The following MAP3K15 variants were observed in gnomAD, a reference collection of about 807,000 sequenced individuals.
The protein encoded by MAP3K15 is mitogen-activated protein kinase kinase kinase 15.
MAP3K15 carries 124 observed loss-of-function variants against 99.5 expected under a neutral mutation model. The observed-to-expected ratio is 1.25, with a 90% CI of 1.08 to 1.45. The LOEUF (loss-of-function observed/expected upper bound fraction) is 1.45, where lower values mean the gene tolerates loss of function less well. Among genes scored for constraint, MAP3K15 ranks in the 40% most tolerant of loss-of-function variants. The probability of loss-of-function intolerance (pLI) is 0.00; values close to 1 mark genes in which losing one functional copy is unlikely to be tolerated. For missense variants in MAP3K15, 1,242 were observed against 1,079.7 expected (o/e 1.15, Z -2.11); for synonymous variants, 494 against 439.6 (o/e 1.12, Z -1.55).
chrX:19,459,514 C>T (rs1357104788), intron 5 of MAP3K15, among the ~76,000 whole-genome samples: 2 of 112,271 alleles, frequency 1.8e-5, no homozygotes, highest in Non-Finnish European at 3.8e-5. Flanking sequence ...AACAGATAAG[C>T]TGGATGACCT....
At chrX:19,427,428 T>G (rs1371700017) in intron 7 of MAP3K15, among the ~76,000 whole-genome samples, 2 of 111,598 alleles carry the variant, frequency 1.8e-5, no homozygotes, top group East Asian at 5.6e-4. Context: ...CAATATGGAG[T>G]TGTTTTTTCA....
At chrX:19,396,122 A>G (rs183451288) in intron 15 of MAP3K15, among the ~76,000 whole-genome samples, 22 of 111,682 alleles carry the variant, frequency 2.0e-4, no homozygotes, top group African/African-American at 6.5e-4. Flanking sequence ...GGCACTTGGC[A>G]CTTTCACTCA....
At chrX:19,475,491 C>T (rs1042331459) in intron 3 of MAP3K15, among the ~76,000 whole-genome samples, 2 of 110,874 alleles carry the variant, frequency 1.8e-5, no homozygotes, top group African/African-American at 3.3e-5. Flanking sequence ...AAAGGGGTCC[C>T]GTGACCCCTA....
chrX:19,363,757 A>G (rs949699385), intron 25 of MAP3K15, among the ~76,000 whole-genome samples: 2 of 109,931 alleles, frequency 1.8e-5, no homozygotes, highest in Non-Finnish European at 3.8e-5. Flanking sequence ...GGTTCAGGCA[A>G]TTCTCCTGCC....
At chrX:19,445,702 G>C (rs970872929) in intron 6 of MAP3K15, among the ~76,000 whole-genome samples, 1 of 110,099 alleles carries the variant, frequency 9.1e-6, no homozygotes, top group Non-Finnish European at 1.9e-5. Flanking sequence ...AAGCACTTTG[G>C]GAGGCTGAGG....
intron 3 of MAP3K15, among the ~76,000 whole-genome samples, chrX:19,470,054 T>G (rs1157877184): frequency 8.9e-6 from 1 of 111,821 alleles, no homozygotes; most frequent in Admixed American, 9.5e-5. Context: ...TTACTGGGTA[T>G]ATACCTAAAG....
chrX:19,479,083 T>C (rs1051099514), intron 3 of MAP3K15, among the ~76,000 whole-genome samples: 3 of 111,679 alleles, frequency 2.7e-5, no homozygotes, highest in Non-Finnish European at 5.6e-5. Context: ...TTGGGGTATA[T>C]ATGACACACA....
intron 6 of MAP3K15, among the ~76,000 whole-genome samples, chrX:19,451,459 C>T (rs1372053886): frequency 1.0e-5 from 1 of 100,381 alleles, no homozygotes; most frequent in Non-Finnish European, 2.0e-5. Flanking sequence ...AAAAAAAAAA[C>T]CCTCCTACAA....
chrX:19,486,430 T>G (rs901497595), intron 3 of MAP3K15, 52 bp downstream of exon 3: 1 of 575,860 alleles, frequency 1.7e-6, no homozygotes, highest in Non-Finnish European at 2.5e-6. Context: ...TTTTACAAAT[T>G]GACATTTACA....
rs2064462810 is a variant in MAP3K15 at position 19,504,550 on chromosome X, A to G, written c.361+10351T>C. On this transcript the variant is annotated intron_variant, in intron 1 of 28. Transcript: ENST00000338883. ...AGACATAACTCACGTGAAAGGTGGC[A>G]AGGAAAACTAAAGCTAGCCTTATTT... is the stretch of plus-strand genomic sequence containing the variant. Among the ~76,000 whole-genome samples the G allele has an allele frequency of 2.7e-5, 3 of 112,174 alleles. No homozygotes were observed. In the Admixed American group the frequency reaches 2.9e-4, roughly 11 times the overall value.
chrX:19,419,493 C>A, intron 9 of MAP3K15, among the ~76,000 whole-genome samples: 1 of 110,537 alleles, frequency 9.0e-6, no homozygotes, highest in Non-Finnish European at 1.9e-5. Context: ...AGCTAACTAT[C>A]CTAAATATAT....
intron 9 of MAP3K15, among the ~76,000 whole-genome samples, chrX:19,416,263 G>A (rs762120505): frequency 4.5e-5 from 5 of 110,831 alleles, no homozygotes; most frequent in Non-Finnish European, 9.5e-5. Flanking sequence ...GCTGAGAGAC[G>A]GAGGTTGCAG....
Position 19,395,067 on chromosome X carries a change from C to T in MAP3K15, c.2194+14G>A, listed in dbSNP as rs2063558525. 1.7e-6 allele frequency: 2 copies of T among 1,203,969 alleles called. No homozygotes were observed. The highest frequency in any genetic ancestry group is 3.5e-5 in the African/African-American group (2 of 57,373). ...ATTTTCAGAATGTGAGACCAGAAGA[C>T]AGCGACTACTCACCTCCAGGCACCT... On this transcript the variant is annotated intron_variant, in intron 16 of 28. Transcript: ENST00000338883.
At chrX:19,390,453 G>A (rs1436382278) in intron 18 of MAP3K15, among the ~76,000 whole-genome samples, 3 of 101,555 alleles carry the variant, frequency 3.0e-5, no homozygotes, top group Non-Finnish European at 5.9e-5. Flanking sequence ...GACCATAGGC[G>A]CACACCACCA....
intron 6 of MAP3K15, among the ~76,000 whole-genome samples, chrX:19,449,564 C>T (rs2064023579): frequency 9.2e-6 from 1 of 108,529 alleles, no homozygotes; most frequent in East Asian, 2.8e-4. Context: ...TGGGTAAAGA[C>T]GAGGGATGTT....
Position 19,439,413 on chromosome X carries a change from A to T in MAP3K15, c.996-7805T>A, listed in dbSNP as rs2063944400. On this transcript the variant is annotated intron_variant, in intron 6 of 28. Transcript: ENST00000338883. The stretch of plus-strand genomic sequence containing the variant: ...ATATCTTGATTGTGGTGGTAGTTTC[A>T]TGGGTGTGTTTATTTGGCCAAACTC... 4.5e-5 allele frequency among the ~76,000 whole-genome samples: 5 copies of T among 111,577 alleles called. No individual in the cohort carries two copies. In the South Asian group the frequency reaches 1.9e-3, roughly 42 times the overall value.
chrX:19,374,718 TCC>T, intron 19 of MAP3K15, 58 bp from the exon 20 acceptor site: 1 of 1,070,497 alleles, frequency 9.3e-7, no homozygotes, highest in Admixed American at 2.3e-5. Context: ...AATTCAGGTA[TCC>T]ATGTCTCAGT....
chrX:19,453,561 G>A (rs2064071840), intron 6 of MAP3K15, among the ~76,000 whole-genome samples: 1 of 109,669 alleles, frequency 9.1e-6, no homozygotes, highest in African/African-American at 3.3e-5. Context: ...AGGGAGTTCT[G>A]GTTCCAGATC....
intron 15 of MAP3K15, among the ~76,000 whole-genome samples, chrX:19,397,306 G>C (rs1480583872): frequency 9.0e-6 from 1 of 111,496 alleles, no homozygotes; most frequent in African/African-American, 3.3e-5. Flanking sequence ...TGAAGGGTAG[G>C]ATGTTAAAAA....
Sources: allele counts gnomAD v4.1 joint callset (sites outside exome capture counted in the v4.1 genomes callset), GRCh38; gene constraint gnomAD v4.1.1; transcripts MANE v1.5; gene names NCBI Gene and HGNC (gene_info 2026-07-23, HGNC 2026-07-21).